NOL10: variants seen among roughly 807,000 people sequenced by gnomAD.
NOL10 encodes H_NH0074G24.1.
NOL10 carries 58 observed loss-of-function variants against 103.5 expected under a neutral mutation model. The observed-to-expected ratio is 0.56, with a 90% CI of 0.45 to 0.70. The LOEUF is 0.70. NOL10 is among the 30% of genes least tolerant of loss of function. NOL10 has a pLI of 0.00. For synonymous variants in NOL10, 287 were observed against 282.5 expected (o/e 1.02, Z -0.16); for missense variants, 763 against 807.3 (o/e 0.95, Z 0.67).
intron 13 of NOL10, among the ~76,000 whole-genome samples, chr2:10,618,244 T>A (rs55973289): frequency 9.0e-6 from 1 of 111,218 alleles, no homozygotes; most frequent in African/African-American, 4.5e-5. Context: ...AGCTGTTTTT[T>A]TAAAAAAAAA....
chr2:10,673,607 T>A, intron 4 of NOL10, 50 bp from the exon 5 acceptor site: 1 of 1,261,430 alleles, frequency 7.9e-7, no homozygotes, highest in Non-Finnish European at 1.1e-6. Flanking sequence ...ATATTCTTAG[T>A]AACAACGCAA....
Position 10,668,081 on chromosome 2 carries a change from A to G in NOL10, c.530+577T>C, listed in dbSNP as rs143495580. 5.1e-4 allele frequency among the ~76,000 whole-genome samples: 78 copies of G among 152,304 alleles called. 2 individuals are homozygous for G. The East Asian group carries it at 0.013, about 26-fold the overall frequency. ...CCCTATCTGTAAAATGGTACTTACC[A>G]CAAAAATCTGTTCTAAGTTTAAAAT... On this transcript the variant is annotated intron_variant, in intron 7 of 20. Transcript: ENST00000381685.
intron 6 of NOL10, among the ~76,000 whole-genome samples, chr2:10,670,038 C>T (rs764170668): frequency 6.6e-5 from 10 of 152,082 alleles, no homozygotes; most frequent in Non-Finnish European, 4.4e-5. Context: ...CATAGTGAGA[C>T]CCCATCTTTA....
At chr2:10,609,173 T>TG (rs1676411392) in intron 13 of NOL10, among the ~76,000 whole-genome samples, 1 of 151,768 alleles carries the variant, frequency 6.6e-6, no homozygotes, top group Admixed American at 6.6e-5. Flanking sequence ...CACTTGCATG[T>TG]CCACACACAC....
At chr2:10,619,645 A>T (rs968085543) in intron 13 of NOL10, among the ~76,000 whole-genome samples, 1 of 27,008 alleles carries the variant, frequency 3.7e-5, no homozygotes, top group African/African-American at 3.5e-4. Flanking sequence ...TAAATAGCAT[A>T]AAAAAATCCT....
intron 17 of NOL10, among the ~76,000 whole-genome samples, chr2:10,595,395 G>A (rs758959318): frequency 6.6e-6 from 1 of 151,878 alleles, no homozygotes; most frequent in Non-Finnish European, 1.5e-5. Flanking sequence ...GGCTAACTGC[G>A]GCCTTGCAGG....
intron 13 of NOL10, among the ~76,000 whole-genome samples, chr2:10,621,077 C>T (rs1354184256): frequency 6.6e-6 from 1 of 152,006 alleles, no homozygotes; most frequent in Non-Finnish European, 1.5e-5. Flanking sequence ...TACAGGCGTG[C>T]GTCACTGTGC....
At chr2:10,633,049 C>A (rs908428238) in intron 13 of NOL10, among the ~76,000 whole-genome samples, 5 of 152,028 alleles carry the variant, frequency 3.3e-5, no homozygotes, top group Non-Finnish European at 7.4e-5. Flanking sequence ...TATCTTTTAG[C>A]AGTTTTGGAG....
chr2:10,584,223 A>G (rs928406479), intron 19 of NOL10, among the ~76,000 whole-genome samples: 2 of 152,054 alleles, frequency 1.3e-5, no homozygotes, highest in Admixed American at 6.6e-5. Context: ...CTCCTTTCCC[A>G]TGAGCGCTTC....
intron 13 of NOL10, among the ~76,000 whole-genome samples, chr2:10,621,870 A>AG (rs377331018): frequency 2.2e-3 from 335 of 152,396 alleles, no homozygotes; most frequent in African/African-American, 7.7e-3. Flanking sequence ...ATGTGGTCTA[A>AG]GGAAGTAGCC....
At chr2:10,644,693 C>A (rs1341110261) in intron 12 of NOL10, among the ~76,000 whole-genome samples, 3 of 152,200 alleles carry the variant, frequency 2.0e-5, no homozygotes, top group Non-Finnish European at 4.4e-5. Context: ...CACAGTCACT[C>A]CCTCACAGGG....
intron 11 of NOL10, 62 bp downstream of exon 11, chr2:10,657,680 G>A: frequency 7.1e-7 from 1 of 1,403,348 alleles, no homozygotes. Context: ...AAAGGGAGAG[G>A]AAAGGATCAT....
chr2:10,594,546 C>G (rs1216904986), intron 17 of NOL10, among the ~76,000 whole-genome samples: 3 of 152,072 alleles, frequency 2.0e-5, no homozygotes, highest in Non-Finnish European at 4.4e-5. Context: ...CTAAACACCT[C>G]AAAATAAGAC....
intron 13 of NOL10, among the ~76,000 whole-genome samples, chr2:10,618,302 GC>G (rs1676946063): frequency 1.3e-5 from 2 of 152,082 alleles, no homozygotes; most frequent in East Asian, 3.9e-4. Context: ...TAATGTAGGA[GC>G]CCCCACCTTC....
chr2:10,610,163 C>G (rs1441321690), intron 13 of NOL10, among the ~76,000 whole-genome samples: 1 of 152,102 alleles, frequency 6.6e-6, no homozygotes, highest in African/African-American at 2.4e-5. Flanking sequence ...CACTGTTACC[C>G]AAAGAACCTC....
At chr2:10,595,716 T>G (rs1675652776) in intron 17 of NOL10, among the ~76,000 whole-genome samples, 1 of 151,934 alleles carries the variant, frequency 6.6e-6, no homozygotes, top group Non-Finnish European at 1.5e-5. Flanking sequence ...GCAATTCTCC[T>G]GCCTCAGCCT....
chr2:10,640,027 C>CA (rs34094668), intron 13 of NOL10, among the ~76,000 whole-genome samples: 46,656 of 151,948 alleles, frequency 0.31, 7,914 homozygotes, highest in Non-Finnish European at 0.39. Context: ...ATCAGATAGG[C>CA]AAAAATTAAC....
intron 13 of NOL10, among the ~76,000 whole-genome samples, chr2:10,638,274 G>A (rs1259977195): frequency 6.6e-6 from 1 of 151,560 alleles, no homozygotes; most frequent in South Asian, 2.1e-4. Context: ...GACAGAGCAA[G>A]ACCCTGTCTC....
chr2:10,669,545 C>T (rs2148339236), intron 6 of NOL10, among the ~76,000 whole-genome samples: 1 of 140,414 alleles, frequency 7.1e-6, no homozygotes, highest in South Asian at 2.2e-4. Flanking sequence ...CACACACAAA[C>T]ATAATAGCCA....
Sources: gnomAD v4.1 joint callset for allele counts (sites outside exome capture counted in the v4.1 genomes callset) on GRCh38, gnomAD v4.1.1 for gene constraint, MANE v1.5 for transcripts, NCBI Gene and HGNC (gene_info 2026-07-23, HGNC 2026-07-21) for gene names.